Variants in ZNF418 observed in about 807,000 individuals in gnomAD.
ZNF418 encodes zinc finger protein 418.
In ZNF418, 32 loss-of-function variants were observed where a neutral mutation model predicts 32.0. That is an observed-to-expected ratio of 1.00 (90% CI 0.75 to 1.34). The LOEUF is 1.34. ZNF418 is among the 40% of genes most tolerant of loss of function. The probability of loss-of-function intolerance (pLI) is 0.00; values close to 1 mark genes in which losing one functional copy is unlikely to be tolerated. For missense variants in ZNF418, 804 were observed against 812.5 expected (o/e 0.99, Z 0.13); for synonymous variants, 276 against 270.7 (o/e 1.02, Z -0.19).
At position 57,922,073 on chromosome 19, in the gene ZNF418, T is replaced by C. The variant is rs563911083; in HGVS notation, c.*1182A>G. On this transcript the variant is annotated 3_prime_UTR_variant, in exon 6 of 6. Transcript: ENST00000396147. Reference sequence around the variant, plus strand: ...GGCCAGGGGTTCAGAAACCTCCAGGTTGGCCACTCCTGGATTTCTTCGTTT... The same window carrying C: ...GGCCAGGGGTTCAGAAACCTCCAGGCTGGCCACTCCTGGATTTCTTCGTTT... The C allele has an allele frequency of 6.6e-6, 1 of 152,582 alleles. No homozygotes were observed. Among genetic ancestry groups the C allele is most frequent in the South Asian group, 2.1e-4 (1 of 4,832 alleles). The allele number at this position is 152,582 out of a possible 1,614,324, so 9.5% of individuals were successfully genotyped here. A position where few individuals can be genotyped will look rare whatever the true frequency, so the allele number is the denominator to read the frequency against.
chr19:57,927,735 C>G lies in ZNF418; in HGVS notation c.446G>C (p.Arg149Thr). The change falls in exon 4 of 6, where the codon AGG (arginine) becomes ACG (threonine). Residue 149 changes from arginine (R) to threonine (T), a missense_variant. Arg to Thr is a moderately conservative substitution (Grantham distance 71). This residue lies in a region of ZNF418 where 307 missense variants were observed against 304.9 expected (regional missense o/e 1.01). Coordinates refer to ENST00000396147, the MANE Select transcript of ZNF418 (RefSeq NM_133460.3). ...CTCCTCTGACACATGGAACTTACAC[C>G]TCTTCACAAACAATGCTTCCTCAAC... Reference protein sequence around the residue: ...SSVEEALFVKRCKFHVSEESS... With the variant: ...SSVEEALFVKTCKFHVSEESS... The G allele has an allele frequency of 6.2e-7, 1 of 1,614,194 alleles. No individual in the cohort carries two copies. Among genetic ancestry groups the G allele is most frequent in the Non-Finnish European group, 8.5e-7 (1 of 1,180,044 alleles).
At chr19:57,924,653 T>C (rs879763418) in intron 4 of ZNF418, among the ~76,000 whole-genome samples, 1 of 152,148 alleles carries the variant, frequency 6.6e-6, no homozygotes, top group Non-Finnish European at 1.5e-5. Flanking sequence ...GACACCACAC[T>C]ACGAAACTCT....
In ZNF418 at chr19:57,933,856, T is replaced by C. The variant is rs780603149; in HGVS notation, c.-34A>G. ...GAGTTTAAACTCTGATCCTCCTTCC[T>C]CCTCCCTCAAACACAGTGTGTTCTC... is the stretch of plus-strand genomic sequence containing the variant. On this transcript the variant is annotated 5_prime_UTR_variant, in exon 2 of 6. Coordinates refer to ENST00000396147, the MANE Select transcript of ZNF418 (RefSeq NM_133460.3). 23 of 1,613,976 alleles carry C rather than the reference T, an allele frequency of 1.4e-5. No individual in the cohort carries two copies. The highest frequency in any genetic ancestry group is 1.1e-4 in the East Asian group (5 of 44,898).
intron 1 of ZNF418, 199 bp downstream of exon 1, chr19:57,934,962 C>T (rs1600190648): frequency 1.4e-6 from 2 of 1,388,390 alleles, no homozygotes; most frequent in East Asian, 6.5e-5. Context: ...TCCTCCAGGC[C>T]ATAGCCCGCG....
At chr19:57,929,744 G>A (rs765347947) in intron 3 of ZNF418, among the ~76,000 whole-genome samples, 14 of 151,154 alleles carry the variant, frequency 9.3e-5, no homozygotes, top group African/African-American at 1.5e-4. Context: ...GTGCAGTGGT[G>A]CGATCTCAGC....
chr19:57,929,553 C>T (rs935256623), intron 3 of ZNF418, among the ~76,000 whole-genome samples: 1 of 152,372 alleles, frequency 6.6e-6, no homozygotes, highest in South Asian at 2.1e-4. Flanking sequence ...GAAATGCTGG[C>T]TGGTCACAAA....
chr19:57,930,115 A>G (rs1396772232), intron 3 of ZNF418, among the ~76,000 whole-genome samples: 1 of 152,218 alleles, frequency 6.6e-6, no homozygotes, highest in Non-Finnish European at 1.5e-5. Context: ...ACCTGGACAC[A>G]CAGGAGTCTC....
At chr19:57,923,398 C>G (rs2072070111) in intron 4 of ZNF418, 109 bp from the exon 5 acceptor site, 2 of 145,726 alleles carry the variant, frequency 1.4e-5, no homozygotes, top group Admixed American at 7.0e-5. Flanking sequence ...CCCATTTATG[C>G]CAAGGGATGC....
intron 3 of ZNF418, among the ~76,000 whole-genome samples, chr19:57,928,913 G>C (rs1356418669): frequency 6.6e-6 from 1 of 152,124 alleles, no homozygotes; most frequent in Non-Finnish European, 1.5e-5. Context: ...AGAATGGCGT[G>C]AACCCAGGAG....
rs979584949 is a variant in ZNF418, at chr19:57,926,548, T to C, written c.1633A>G (p.Lys545Glu). 3.1e-6 allele frequency: 5 copies of C among 1,614,076 alleles called. No individual in the cohort carries two copies. In the African/African-American group the frequency reaches 6.7e-5, roughly 22 times the overall value. ...AGGGAAGAGCTCTGATGAAATGACT[T>C]TCCACATTCTCCACATTCATAAGGC... ...ERPYECGECG[K>E]SFHQSSSLLR... Residue 545 changes from lysine (K) to glutamate (E), a missense_variant, in exon 4 of 6, where the codon AAG becomes GAG. Around this residue, in one of 3 missense-constraint regions of ZNF418, gnomAD observed 475 missense variants for 458.6 expected, o/e 1.04. Coordinates refer to ENST00000396147, the MANE Select transcript of ZNF418 (RefSeq NM_133460.3).
rs61730723 is a variant in ZNF418 at position 57,927,083 on chromosome 19, A to G, written c.1098T>C (p.Ser366=). 2.6e-4 allele frequency: 421 copies of G among 1,611,426 alleles called. 1 individual carries two copies. In the African/African-American group the frequency reaches 5.1e-3, roughly 19 times the overall value. The change falls in exon 4 of 6, where the codon AGT becomes AGC. Residue 366 remains serine, a synonymous_variant. Transcript: ENST00000396147. ...ATTCTTCACACTCATAAGGTCTTTC[A>G]CTAGTGTGACCTCGTTGATGTTGAA... The part of the protein sequence containing the change: ...NLIQHQRGHT[S]ERPYECEECG...
rs1450867759 is a variant in ZNF418, at chr19:57,930,508, T to C, written c.53A>G (p.Glu18Gly). The change falls in exon 3 of 6, where the codon GAG (glutamate) becomes GGG (glycine). Residue 18 changes from glutamate to glycine, a missense_variant. This residue lies in a region of ZNF418 where 307 missense variants were observed against 304.9 expected (regional missense o/e 1.01). Coordinates refer to ENST00000396147, the MANE Select transcript of ZNF418 (RefSeq NM_133460.3). The part of the protein sequence containing the change: ...EDVAVNFSQE[E>G]WSLLSEVQRC... ...CTGAACCTCACTAAGGAGACTCCAC[T>C]CCTCCTGGGAAAAGTTCACAGCCAC... is the stretch of plus-strand genomic sequence containing the variant. 1 of 1,614,028 alleles carries C rather than the reference T, an allele frequency of 6.2e-7. No individual in the cohort carries two copies. The highest frequency in any genetic ancestry group is 1.7e-5 in the Admixed American group (1 of 59,994).
chr19:57,933,749 T>C (rs374671569), intron 2 of ZNF418, 68 bp downstream of exon 2: 289 of 1,602,198 alleles, frequency 1.8e-4, no homozygotes, highest in Non-Finnish European at 2.2e-4. Flanking sequence ...TAGTTGCCAT[T>C]TTACAAACTG....
In ZNF418 at chr19:57,930,504, C is replaced by T. The variant is rs1248116464; in HGVS notation, c.57G>A (p.Trp19Ter). 3.1e-6 allele frequency: 5 copies of T among 1,614,130 alleles called. No individual in the cohort carries two copies. Among genetic ancestry groups the T allele is most frequent in the African/African-American group, 1.3e-5 (1 of 75,018 alleles). ...DVAVNFSQEE[W>*]SLLSEVQRCL... ...ATCTCTGAACCTCACTAAGGAGACT[C>T]CACTCCTCCTGGGAAAAGTTCACAG... Residue 19 changes from tryptophan to a stop codon, truncating the protein, a stop_gained, in exon 3 of 6, where the codon TGG becomes TGA. Coordinates refer to ENST00000396147, the MANE Select transcript of ZNF418 (RefSeq NM_133460.3). LOFTEE classifies it high-confidence loss of function.
intron 3 of ZNF418, among the ~76,000 whole-genome samples, chr19:57,929,779 T>A (rs10404687): frequency 0.03 from 4,576 of 151,926 alleles, 241 homozygotes; most frequent in African/African-American, 0.11. Context: ...GCCTCCCAGG[T>A]TCACACCATT....
At chr19:57,928,158 G>T (rs941517528) in intron 3 of ZNF418, 111 bp from the exon 4 acceptor site, 2 of 964,636 alleles carry the variant, frequency 2.1e-6, no homozygotes, top group Non-Finnish European at 3.1e-6. Context: ...ATATTTGCAG[G>T]AACAGAAAGT....
intron 3 of ZNF418, among the ~76,000 whole-genome samples, chr19:57,930,182 T>A (rs926320496): frequency 6.6e-6 from 1 of 152,144 alleles, no homozygotes; most frequent in Non-Finnish European, 1.5e-5. Flanking sequence ...ATGCATTAGA[T>A]TGACTACGAG....
chr19:57,933,440 T>C (rs1420475873), intron 2 of ZNF418, among the ~76,000 whole-genome samples: 10 of 150,670 alleles, frequency 6.6e-5, no homozygotes, highest in African/African-American at 4.9e-5. Context: ...TAGCCGGGCA[T>C]GGCCGGGCTT....
At chr19:57,925,302 TA>T (rs1427227426) in intron 4 of ZNF418, among the ~76,000 whole-genome samples, 1 of 151,648 alleles carries the variant, frequency 6.6e-6, no homozygotes, top group Non-Finnish European at 1.5e-5. Flanking sequence ...CTACTAAAAA[TA>T]CAAAAAAATT....
Sources: allele counts gnomAD v4.1 joint callset (sites outside exome capture counted in the v4.1 genomes callset), GRCh38; gene constraint gnomAD v4.1.1; regional missense constraint gnomAD v4.1.1; transcripts MANE v1.5; gene names NCBI Gene and HGNC (gene_info 2026-07-23, HGNC 2026-07-21).